Variants in PPM1H observed in about 807,000 individuals in gnomAD.
The protein encoded by PPM1H is protein phosphatase 1H.
A neutral mutation model predicts 54.9 loss-of-function variants in PPM1H; 27 were observed. That is an observed-to-expected ratio of 0.49 (90% CI 0.36 to 0.68). The LOEUF is 0.68. Ranked by LOEUF, PPM1H falls within the 30% of genes least tolerant of loss-of-function variation. The pLI, the probability that PPM1H is intolerant of heterozygous loss-of-function variation, is 0.00. For synonymous variants in PPM1H, 305 were observed against 270.8 expected (o/e 1.13, Z -1.24); for missense variants, 596 against 667.8 (o/e 0.89, Z 1.19).
At chr12:62,655,877 T>C (rs1273710045) in intron 9 of PPM1H, among the ~76,000 whole-genome samples, 4 of 152,246 alleles carry the variant, frequency 2.6e-5, no homozygotes, top group Non-Finnish European at 5.9e-5. Flanking sequence ...TTTTCTTCTC[T>C]AGCTGAAGCT....
At chr12:62,652,408 A>G (rs984292275) in intron 9 of PPM1H, among the ~76,000 whole-genome samples, 3 of 140,912 alleles carry the variant, frequency 2.1e-5, no homozygotes, top group Non-Finnish European at 4.7e-5. Context: ...AGTGTATTTT[A>G]TTAGTAGCAC....
chr12:62,902,624 C>T (rs1165604834), intron 1 of PPM1H, among the ~76,000 whole-genome samples: 2 of 152,104 alleles, frequency 1.3e-5, no homozygotes, highest in Non-Finnish European at 2.9e-5. Flanking sequence ...TTGGCTGAGG[C>T]CTTGGACAAG....
intron 1 of PPM1H, among the ~76,000 whole-genome samples, chr12:62,875,296 C>T (rs539704328): frequency 1.3e-4 from 20 of 152,232 alleles, no homozygotes; most frequent in African/African-American, 4.6e-4. Context: ...CTAGGCAATT[C>T]CCCCCAAAAA....
intron 9 of PPM1H, among the ~76,000 whole-genome samples, chr12:62,666,140 C>T (rs376816594): frequency 1.3e-5 from 2 of 152,050 alleles, no homozygotes; most frequent in South Asian, 2.1e-4. Context: ...TGCAGTGGCG[C>T]GATCTTGGCT....
intron 5 of PPM1H, among the ~76,000 whole-genome samples, chr12:62,733,237 T>C (rs1438384401): frequency 1.3e-5 from 2 of 152,150 alleles, no homozygotes; most frequent in African/African-American, 4.8e-5. Flanking sequence ...TTTCCTCTCA[T>C]AGTTGATACT....
chr12:62,730,180 A>G (rs561484221), intron 5 of PPM1H, among the ~76,000 whole-genome samples: 3 of 152,210 alleles, frequency 2.0e-5, no homozygotes, highest in South Asian at 2.1e-4. Flanking sequence ...GACTCAGCCC[A>G]CCTGCATCCA....
intron 9 of PPM1H, among the ~76,000 whole-genome samples, chr12:62,658,217 A>G (rs1033019812): frequency 5.0e-5 from 5 of 100,824 alleles, no homozygotes; most frequent in East Asian, 2.9e-4. Context: ...TTTTTTAAGT[A>G]AAAAAGAAGT....
intron 4 of PPM1H, among the ~76,000 whole-genome samples, chr12:62,766,980 G>T (rs2076547763): frequency 6.6e-6 from 1 of 152,220 alleles, no homozygotes; most frequent in South Asian, 2.1e-4. Context: ...CACCAGCCAA[G>T]CAACAAATAG....
chr12:62,782,349 G>A (rs2076647339), intron 4 of PPM1H, among the ~76,000 whole-genome samples: 1 of 152,186 alleles, frequency 6.6e-6, no homozygotes, highest in African/African-American at 2.4e-5. Flanking sequence ...TGCCACAGAT[G>A]TGTAATTGAT....
chr12:62,867,562 C>CTTTTTTT (rs1481926545), intron 1 of PPM1H, among the ~76,000 whole-genome samples: 4 of 101,872 alleles, frequency 3.9e-5, no homozygotes, highest in Admixed American at 1.0e-4. Context: ...CTTATGAGCA[C>CTTTTTTT]TATTTTTTTT....
chr12:62,908,721 A>G (rs1407045438), intron 1 of PPM1H, among the ~76,000 whole-genome samples: 1 of 152,228 alleles, frequency 6.6e-6, no homozygotes, highest in East Asian at 1.9e-4. Context: ...ATGGGTAACA[A>G]AAGAGATGCA....
chr12:62,651,272 T>C (rs1356773030), intron 9 of PPM1H, among the ~76,000 whole-genome samples: 1 of 152,100 alleles, frequency 6.6e-6, no homozygotes, highest in African/African-American at 2.4e-5. Flanking sequence ...ACATTACCCA[T>C]GAGACATGGA....
Position 62,934,876 on chromosome 12 carries a change from A to T in PPM1H, c.-140T>A, listed in dbSNP as rs1872280033. 20 of 818,394 alleles carry T rather than the reference A, an allele frequency of 2.4e-5. No homozygotes were observed. The highest frequency in any genetic ancestry group is 3.1e-5 in the Non-Finnish European group (19 of 619,128). 50.7% of individuals were successfully genotyped at this position (818,394 alleles called of 1,614,324 possible). ...CTGGGACGCGCCGCGCGCGGCTCCC[A>T]GAGCCTAGTGCTGCAGGGGGCCGAG... On this transcript the variant is annotated 5_prime_UTR_variant, in exon 1 of 10. Transcript: ENST00000228705. This position sits in a 1 kb window ranked among gnomAD's most constrained non-coding sequence, Gnocchi z 4.2.
At position 62,698,351 on chromosome 12, in the gene PPM1H, G is replaced by A. The variant is rs549447864; in HGVS notation, c.1074-4352C>T. Among the ~76,000 whole-genome samples the A allele has an allele frequency of 4.6e-5, 7 of 152,260 alleles. No homozygotes were observed. The East Asian group carries it at 5.8e-4, about 13-fold the overall frequency. The stretch of plus-strand genomic sequence containing the variant: ...TTCTTTCTTAAACTGACCCAAACCC[G>A]CTGGCCCATCTGGAAAAACATGAAA... On this transcript the variant is annotated intron_variant, in intron 6 of 9. Transcript: ENST00000228705.
At chr12:62,801,093 G>A (rs1044467260) in intron 3 of PPM1H, among the ~76,000 whole-genome samples, 1 of 152,212 alleles carries the variant, frequency 6.6e-6, no homozygotes, top group African/African-American at 2.4e-5. Flanking sequence ...TAAAACAGCC[G>A]TTCTTAGATC....
chr12:62,781,864 T>C (rs970277374), intron 4 of PPM1H, among the ~76,000 whole-genome samples: 1 of 152,206 alleles, frequency 6.6e-6, no homozygotes, highest in Non-Finnish European at 1.5e-5. Context: ...GATCATTTGG[T>C]AGCATTATTT....
At chr12:62,836,648 A>C (rs935393819) in intron 1 of PPM1H, among the ~76,000 whole-genome samples, 1 of 152,058 alleles carries the variant, frequency 6.6e-6, no homozygotes, top group East Asian at 1.9e-4. Context: ...TGTGTTGGGG[A>C]GGGGTGTTTT....
At chr12:62,766,556 G>A (rs994324610) in intron 4 of PPM1H, among the ~76,000 whole-genome samples, 1 of 148,514 alleles carries the variant, frequency 6.7e-6, no homozygotes, top group Non-Finnish European at 1.5e-5. Flanking sequence ...ATTAAAAAAA[G>A]CCACAGAAAC....
At chr12:62,781,245 T>C (rs573010635) in intron 4 of PPM1H, among the ~76,000 whole-genome samples, 1 of 152,258 alleles carries the variant, frequency 6.6e-6, no homozygotes, top group East Asian at 1.9e-4. Context: ...CCAACTCTAC[T>C]CTTCAGAGGA....
Sources: allele counts gnomAD v4.1 joint callset (sites outside exome capture counted in the v4.1 genomes callset), GRCh38; gene constraint gnomAD v4.1.1; non-coding constraint Gnocchi (gnomAD v3.1); transcripts MANE v1.5; gene names NCBI Gene and HGNC (gene_info 2026-07-23, HGNC 2026-07-21).